Variants in N4BP2L2 observed in about 807,000 individuals in gnomAD.
N4BP2L2 encodes NEDD4 binding protein 2 like 2.
A neutral mutation model predicts 56.2 loss-of-function variants in N4BP2L2; 50 were observed. The observed-to-expected ratio is 0.89, with a 90% confidence interval of 0.71 to 1.13. N4BP2L2 has a LOEUF of 1.13. Among genes scored for constraint, N4BP2L2 ranks in the 50% most tolerant of loss-of-function variants. N4BP2L2 has a pLI of 0.00. For synonymous variants in N4BP2L2, 203 were observed against 223.6 expected (o/e 0.91, Z 0.82); for missense variants, 689 against 693.8 (o/e 0.99, Z 0.08).
At chr13:32,532,341 A>C (rs1202705930) in intron 2 of N4BP2L2, among the ~76,000 whole-genome samples, 4 of 152,210 alleles carry the variant, frequency 2.6e-5, no homozygotes, top group South Asian at 4.1e-4. Context: ...CTCTCAAATT[A>C]CTTTTAAAAA....
At chr13:32,439,854 TCCAA>T (rs1447415777) in intron 7 of N4BP2L2, among the ~76,000 whole-genome samples, 11 of 43,492 alleles carry the variant, frequency 2.5e-4, no homozygotes, top group African/African-American at 3.9e-4. Context: ...CTATTAAGAA[TCCAA>T]AAAAAAAAAA....
chr13:32,536,232 G>C, exon 2 of N4BP2L2: 1 of 1,613,828 alleles, frequency 6.2e-7, no homozygotes, highest in Middle Eastern at 1.6e-4. Flanking sequence ...TGCCATTCAG[G>C]CCTGAAAGAA....
chr13:32,492,468 C>T (rs1435480845), intron 6 of N4BP2L2, among the ~76,000 whole-genome samples: 1 of 151,766 alleles, frequency 6.6e-6, no homozygotes, highest in African/African-American at 2.4e-5. Flanking sequence ...TCCTATGTAG[C>T]AAATATCTTT....
At chr13:32,509,737 C>G (rs118176538), downstream of N4BP2L2, among the ~76,000 whole-genome samples, 1 of 152,258 alleles carries the variant, frequency 6.6e-6, no homozygotes, top group Non-Finnish European at 1.5e-5. Context: ...GTACTGCTTA[C>G]CAGTTTCCTG....
intron 6 of N4BP2L2, among the ~76,000 whole-genome samples, chr13:32,466,155 T>C (rs556786712): frequency 1.3e-4 from 20 of 152,292 alleles, no homozygotes; most frequent in African/African-American, 4.6e-4. Flanking sequence ...TATCCATCAA[T>C]AGATCGAATA....
At chr13:32,522,300 A>G (rs1195709059) in intron 3 of N4BP2L2, 30 bp from the exon 4 acceptor site, 1 of 1,374,120 alleles carries the variant, frequency 7.3e-7, no homozygotes, top group Non-Finnish European at 9.9e-7. Flanking sequence ...TAAAAATAAA[A>G]AAACAAATTA....
At chr13:32,481,118 CAAAAAAA>C (rs60854435) in intron 6 of N4BP2L2, among the ~76,000 whole-genome samples, 11 of 20,706 alleles carry the variant, frequency 5.3e-4, no homozygotes, top group African/African-American at 7.4e-4. Flanking sequence ...GACTCTGTCT[CAAAAAAA>C]AAAAAAAAAA....
At chr13:32,485,262 G>A (rs2085615311) in intron 6 of N4BP2L2, among the ~76,000 whole-genome samples, 1 of 152,132 alleles carries the variant, frequency 6.6e-6, no homozygotes, top group African/African-American at 2.4e-5. Flanking sequence ...AGTAAATGAA[G>A]AACAGTTGGA....
At chr13:32,459,857 A>AG (rs1804347904) in intron 6 of N4BP2L2, among the ~76,000 whole-genome samples, 1 of 152,212 alleles carries the variant, frequency 6.6e-6, no homozygotes. Context: ...CAGCAAAAAA[A>AG]GAAAACTATA....
At chr13:32,485,385 A>G (rs1055452428) in intron 6 of N4BP2L2, among the ~76,000 whole-genome samples, 20 of 152,210 alleles carry the variant, frequency 1.3e-4, no homozygotes, top group Admixed American at 6.5e-5. Context: ...AAGAATATCA[A>G]TTCTTAAGAA....
At chr13:32,493,372 C>T (rs538550271) in intron 6 of N4BP2L2, among the ~76,000 whole-genome samples, 9 of 151,994 alleles carry the variant, frequency 5.9e-5, no homozygotes, top group African/African-American at 1.7e-4. Context: ...TGACTCTCAG[C>T]GGTATAAAAA....
intron 6 of N4BP2L2, among the ~76,000 whole-genome samples, chr13:32,470,288 C>T (rs550070733): frequency 2.1e-4 from 32 of 152,228 alleles, no homozygotes; most frequent in African/African-American, 7.5e-4. Context: ...CACAGTGTTG[C>T]GGTGGTGTCA....
At position 32,527,295 on chromosome 13, in the gene N4BP2L2, A is replaced by C. The variant is rs1349254255; in HGVS notation, c.1384+113T>G. On this transcript the variant is annotated intron_variant, in intron 3 of 5. Transcript: ENST00000267068. ...GAGAAATTAGGTCTCAAAGCTATTT[A>C]AACGGCTTGCCTACAGTCATTCAGC... The C allele has an allele frequency of 3.5e-6, 4 of 1,150,564 alleles. No individual in the cohort carries two copies. The African/African-American group carries it at 6.3e-5, about 18-fold the overall frequency. 71.3% of individuals were successfully genotyped at this position (1,150,564 alleles called of 1,614,324 possible). A position where few individuals can be genotyped will look rare whatever the true frequency, so the allele number is the denominator to read the frequency against.
chr13:32,538,695 G>T, exon 1 of N4BP2L2: 1 of 985,488 alleles, frequency 1.0e-6, no homozygotes, highest in African/African-American at 1.7e-5. Context: ...CTGTGAAGGT[G>T]AAAGAAAAGC....
At chr13:32,468,665 T>C (rs703225) in intron 6 of N4BP2L2, among the ~76,000 whole-genome samples, 94,230 of 151,984 alleles carry the variant, frequency 0.62, 29,319 homozygotes, top group Admixed American at 0.7. Context: ...AGTGACTCGG[T>C]GAGTTTAGGG....
chr13:32,435,373 A>G (rs1201484064), intron 9 of N4BP2L2, among the ~76,000 whole-genome samples: 1 of 152,184 alleles, frequency 6.6e-6, no homozygotes, highest in Non-Finnish European at 1.5e-5. Flanking sequence ...AGCTGGGATT[A>G]CAGGCACCTG....
chr13:32,496,049 G>GGTT (rs2139442523), intron 6 of N4BP2L2, among the ~76,000 whole-genome samples: 1 of 152,228 alleles, frequency 6.6e-6, no homozygotes, highest in Non-Finnish European at 1.5e-5. Flanking sequence ...TCATGTGGTT[G>GGTT]GTTACCTGTG....
intron 6 of N4BP2L2, among the ~76,000 whole-genome samples, chr13:32,500,431 C>T (rs1258825182): frequency 2.0e-5 from 3 of 150,912 alleles, no homozygotes; most frequent in Admixed American, 6.6e-5. Flanking sequence ...AACAACATAA[C>T]TAAAAATTCA....
intron 6 of N4BP2L2, among the ~76,000 whole-genome samples, chr13:32,491,958 T>C (rs1473217930): frequency 6.6e-6 from 1 of 152,172 alleles, no homozygotes; most frequent in African/African-American, 2.4e-5. Flanking sequence ...CACCAGAAGC[T>C]CTTCCTAATT....
Sources: allele counts gnomAD v4.1 joint callset (sites outside exome capture counted in the v4.1 genomes callset), GRCh38; gene constraint gnomAD v4.1.1; transcripts MANE v1.5; gene names NCBI Gene and HGNC (gene_info 2026-07-23, HGNC 2026-07-21).